TOX2: variants seen among roughly 807,000 people sequenced by gnomAD.
TOX2 encodes granulosa cell HMG box 1.
TOX2 carries 15 observed loss-of-function variants against 47.4 expected under a neutral mutation model. The ratio of observed to expected loss-of-function variants is 0.32; its 90% CI spans 0.21 to 0.49. TOX2 has a LOEUF of 0.49. TOX2 is among the 20% of genes least tolerant of loss of function. TOX2 has a pLI of 0.99. For missense variants in TOX2, 622 were observed against 673.1 expected, an observed-to-expected ratio of 0.92 and a Z score of 0.84; for synonymous variants, 290 against 296.6, an observed-to-expected ratio of 0.98 and a Z score of 0.23.
intron 2 of TOX2, among the ~76,000 whole-genome samples, chr20:43,996,230 T>C (rs1357787154): frequency 1.3e-5 from 2 of 152,232 alleles, no homozygotes; most frequent in East Asian, 3.8e-4. Flanking sequence ...TGGTATCTCA[T>C]TATGGTTTTG....
At chr20:44,020,904 G>A (rs111410994) in intron 3 of TOX2, among the ~76,000 whole-genome samples, 1,594 of 152,240 alleles carry the variant, frequency 0.01, 28 homozygotes, top group African/African-American at 0.036. Context: ...AGAGGAACTC[G>A]AGGACCGACA....
intron 3 of TOX2, among the ~76,000 whole-genome samples, chr20:44,034,203 C>G (rs1025993416): frequency 3.3e-5 from 5 of 152,162 alleles, no homozygotes; most frequent in African/African-American, 9.7e-5. Context: ...CCCTCTGCAC[C>G]CTCCTTATCT....
In TOX2 at chr20:44,004,550, G is replaced by C. The variant is rs564679983; in HGVS notation, c.166-1997G>C. ...GGCCATGTGGGCTCTGGGTCCCAGTGGTGGGTCCCAGGGTGGCAAGGCACT... is the reference window on the plus strand; with the variant it reads ...GGCCATGTGGGCTCTGGGTCCCAGTCGTGGGTCCCAGGGTGGCAAGGCACT... On this transcript the variant is annotated intron_variant, in intron 2 of 8. Transcript: ENST00000341197. 3.3e-5 allele frequency among the ~76,000 whole-genome samples: 5 copies of C among 152,322 alleles called. No homozygotes were observed. The South Asian group carries it at 1.0e-3, about 32-fold the overall frequency.
intron 1 of TOX2, among the ~76,000 whole-genome samples, chr20:43,954,146 G>A (rs769029684): frequency 1.3e-5 from 2 of 152,186 alleles, no homozygotes; most frequent in South Asian, 2.1e-4. Context: ...TCCTTGCCTC[G>A]CCCCTCTGCC....
chr20:44,054,939 G>A (rs997247706), intron 5 of TOX2, among the ~76,000 whole-genome samples: 1 of 152,206 alleles, frequency 6.6e-6, no homozygotes, highest in Admixed American at 6.5e-5. Flanking sequence ...TAGCTGGTAG[G>A]CAAATGGAGT....
intron 3 of TOX2, 36 bp from the exon 4 acceptor site, chr20:44,051,270 C>T: frequency 6.4e-7 from 1 of 1,561,920 alleles, no homozygotes; most frequent in Non-Finnish European, 8.7e-7. Flanking sequence ...CAGGACAGAT[C>T]CTTCCTAACT....
intron 1 of TOX2, among the ~76,000 whole-genome samples, chr20:43,952,148 G>T (rs867742243): frequency 2.0e-5 from 3 of 151,872 alleles, no homozygotes; most frequent in African/African-American, 4.8e-5. Flanking sequence ...TGATCTGCCC[G>T]CCTTGGCCTC....
intron 3 of TOX2, among the ~76,000 whole-genome samples, chr20:44,043,019 C>T (rs2071358016): frequency 6.6e-6 from 1 of 152,076 alleles, no homozygotes; most frequent in East Asian, 1.9e-4. Flanking sequence ...TTTGGTAAAA[C>T]TGGAGGAGGA....
At chr20:44,045,972 G>A (rs1020926672) in intron 3 of TOX2, among the ~76,000 whole-genome samples, 16 of 152,202 alleles carry the variant, frequency 1.1e-4, no homozygotes, top group Non-Finnish European at 2.1e-4. Flanking sequence ...TATGGGGTGG[G>A]AAGAGGAGAA....
At chr20:44,062,495 G>A (rs188867524) in intron 5 of TOX2, among the ~76,000 whole-genome samples, 4 of 152,012 alleles carry the variant, frequency 2.6e-5, no homozygotes, top group South Asian at 2.1e-4. Context: ...GAAAGAAATC[G>A]TAGATGAAAC....
rs570443700 is a variant in TOX2, at chr20:44,001,278, C to T, written c.166-5269C>T. 2.0e-5 allele frequency among the ~76,000 whole-genome samples: 3 copies of T among 152,308 alleles called. No homozygotes were observed. In the South Asian group the frequency reaches 6.2e-4, roughly 32 times the overall value. On this transcript the variant is annotated intron_variant, in intron 2 of 8. Transcript: ENST00000341197. Reference sequence around the variant, plus strand: ...ACTAGCTATGTGACACCTCTACTCTCTAAGCTCCATGTCCCTCATCTGCAA... The same window carrying T: ...ACTAGCTATGTGACACCTCTACTCTTTAAGCTCCATGTCCCTCATCTGCAA...
At chr20:44,062,260 G>C (rs1202112823) in intron 5 of TOX2, among the ~76,000 whole-genome samples, 1 of 152,030 alleles carries the variant, frequency 6.6e-6, no homozygotes, top group Non-Finnish European at 1.5e-5. Context: ...AATGAATTCA[G>C]CAAAGTTTCA....
chr20:44,058,066 T>C (rs2071653552), intron 5 of TOX2, among the ~76,000 whole-genome samples: 1 of 150,038 alleles, frequency 6.7e-6, no homozygotes, highest in African/African-American at 2.5e-5. Flanking sequence ...TTGTGAACTT[T>C]TGCTCCAAGA....
chr20:43,924,883 C>G (rs967579263), intron 1 of TOX2, among the ~76,000 whole-genome samples: 1 of 152,268 alleles, frequency 6.6e-6, no homozygotes, highest in Admixed American at 6.5e-5. Context: ...TCTCCACACA[C>G]AGCCCTGTGT....
chr20:43,960,728 T>G (rs2069744112), intron 1 of TOX2, among the ~76,000 whole-genome samples: 1 of 152,242 alleles, frequency 6.6e-6, no homozygotes, highest in South Asian at 2.1e-4. Flanking sequence ...TGGAAGCTTT[T>G]TGAGGAGTGG....
Position 43,951,707 on chromosome 20 carries a change from G to GTTT in TOX2, c.100-21641_100-21639dup, listed in dbSNP as rs59829203. ...TGACCATTACTATTAAACTTATTAT[G>GTTT]TTTTTTTTTTTTTTTTTTTTTAGAG... On this transcript the variant is annotated intron_variant, in intron 1 of 8. Coordinates refer to ENST00000341197, the MANE Select transcript of TOX2 (RefSeq NM_001098797.2). Among the ~76,000 whole-genome samples, 141 of 55,078 alleles carry GTTT rather than the reference G, an allele frequency of 2.6e-3. 25 individuals carry two copies. Among genetic ancestry groups the GTTT allele is most frequent in the African/African-American group, 3.6e-3 (67 of 18,506 alleles). 36.1% of individuals were successfully genotyped at this position (55,078 alleles called of 152,430 possible).
rs1235629062 is a variant in TOX2 at position 43,915,010 on chromosome 20, G to A, written c.99+20G>A. ...GGCAAGGTAGGCGGGGGCGGGCGGG[G>A]GTCCCCGGCGGGCGGGGCCGGAGTC... On this transcript the variant is annotated intron_variant, in intron 1 of 8. Coordinates refer to ENST00000341197, the MANE Select transcript of TOX2 (RefSeq NM_001098797.2). This position sits in a 1 kb window ranked among gnomAD's most constrained non-coding sequence, Gnocchi z 7.1. 8.1e-6 allele frequency: 10 copies of A among 1,233,108 alleles called. No homozygotes were observed. The East Asian group carries it at 2.1e-4, about 26-fold the overall frequency. 76.4% of individuals were successfully genotyped at this position (1,233,108 alleles called of 1,614,324 possible).
chr20:44,066,979 G>A, intron 8 of TOX2, 122 bp downstream of exon 8: 1 of 1,386,514 alleles, frequency 7.2e-7, no homozygotes, highest in Non-Finnish European at 9.7e-7. Flanking sequence ...GTCACTGTCA[G>A]CCCTGCTGAG....
At chr20:43,952,911 A>T (rs1035652547) in intron 1 of TOX2, among the ~76,000 whole-genome samples, 1 of 152,026 alleles carries the variant, frequency 6.6e-6, no homozygotes, top group Non-Finnish European at 1.5e-5. Flanking sequence ...GGCTCTGCAG[A>T]TGTGATTAAG....
Sources: gnomAD v4.1 joint callset for allele counts (sites outside exome capture counted in the v4.1 genomes callset) on GRCh38, gnomAD v4.1.1 for gene constraint, Gnocchi (gnomAD v3.1) non-coding constraint, MANE v1.5 for transcripts, NCBI Gene and HGNC (gene_info 2026-07-23, HGNC 2026-07-21) for gene names.